Variants in CACHD1 observed in about 807,000 individuals in gnomAD.
The protein encoded by CACHD1 is cache domain containing 1, also known as VWFA and cache domain-containing protein 1.
A neutral mutation model predicts 138.7 loss-of-function variants in CACHD1; 71 were observed. That is an observed-to-expected ratio of 0.51 (90% confidence interval 0.42 to 0.62). CACHD1 has a LOEUF of 0.62. Among genes scored for constraint, CACHD1 ranks in the 20% least tolerant of loss-of-function variants. The pLI is 0.00. For synonymous variants in CACHD1, 578 were observed against 591.5 expected (o/e 0.98, Z 0.33); for missense variants, 1,389 against 1,625.3 (o/e 0.85, Z 2.50).
chr1:64,614,010 A>G (rs1172140391), intron 4 of CACHD1, among the ~76,000 whole-genome samples: 2 of 152,204 alleles, frequency 1.3e-5, no homozygotes, highest in African/African-American at 2.4e-5. Flanking sequence ...GTTCCCTGTC[A>G]TATTCAGTAT....
intron 2 of CACHD1, among the ~76,000 whole-genome samples, chr1:64,559,753 T>A (rs1646825018): frequency 6.6e-6 from 1 of 152,224 alleles, no homozygotes; most frequent in African/African-American, 2.4e-5. Context: ...CAGTGTTTGA[T>A]AGAATTCAGG....
chr1:64,606,501 G>C (rs1647346016), intron 4 of CACHD1, among the ~76,000 whole-genome samples: 1 of 152,108 alleles, frequency 6.6e-6, no homozygotes, highest in African/African-American at 2.4e-5. Context: ...AGGTCACCAA[G>C]AGCCTTATTT....
At chr1:64,508,917 T>G (rs1409691781) in intron 1 of CACHD1, among the ~76,000 whole-genome samples, 5 of 152,158 alleles carry the variant, frequency 3.3e-5, no homozygotes. Context: ...TTCTTTGGTG[T>G]CTCCTGCCAT....
intron 1 of CACHD1, among the ~76,000 whole-genome samples, chr1:64,540,005 G>A (rs563165363): frequency 6.6e-6 from 1 of 152,082 alleles, no homozygotes; most frequent in Admixed American, 6.5e-5. Flanking sequence ...GTTTCTTAAG[G>A]GTATGGGACC....
At chr1:64,577,748 C>T (rs553754481) in intron 2 of CACHD1, among the ~76,000 whole-genome samples, 1 of 152,308 alleles carries the variant, frequency 6.6e-6, no homozygotes, top group East Asian at 1.9e-4. Flanking sequence ...TAGAATGTTG[C>T]TACATGAAAG....
At chr1:64,601,542 CCTT>C (rs1055254887) in intron 3 of CACHD1, among the ~76,000 whole-genome samples, 19 of 152,356 alleles carry the variant, frequency 1.2e-4, no homozygotes, top group Admixed American at 1.2e-3. Flanking sequence ...CCAGCTATCT[CCTT>C]CTTTGAGATG....
At chr1:64,585,620 C>T (rs947301413) in intron 3 of CACHD1, among the ~76,000 whole-genome samples, 2 of 152,188 alleles carry the variant, frequency 1.3e-5, no homozygotes, top group African/African-American at 4.8e-5. Flanking sequence ...AAAACCAAAG[C>T]AGTTCTGAAG....
chr1:64,665,744 C>T (rs1031826276), intron 15 of CACHD1, among the ~76,000 whole-genome samples: 11 of 152,132 alleles, frequency 7.2e-5, no homozygotes, highest in Middle Eastern at 3.4e-3. Flanking sequence ...TGGCCGGGTG[C>T]GGTGACTCAC....
intron 2 of CACHD1, among the ~76,000 whole-genome samples, chr1:64,551,861 A>T (rs1049908029): frequency 6.6e-6 from 1 of 151,996 alleles, no homozygotes; most frequent in African/African-American, 2.4e-5. Context: ...TGGCCTGAGT[A>T]TTTATTTATT....
chr1:64,531,375 A>G (rs1159703015), intron 1 of CACHD1, among the ~76,000 whole-genome samples: 1 of 152,138 alleles, frequency 6.6e-6, no homozygotes, highest in Non-Finnish European at 1.5e-5. Context: ...GCTTGAAGAG[A>G]TTGAGAAGGG....
At chr1:64,628,811 A>G in intron 4 of CACHD1, among the ~76,000 whole-genome samples, 1 of 152,344 alleles carries the variant, frequency 6.6e-6, no homozygotes, top group South Asian at 2.1e-4. Context: ...GGAAGCCTAT[A>G]TTCCAGCACT....
chr1:64,620,667 G>A (rs1303745226), intron 4 of CACHD1, among the ~76,000 whole-genome samples: 2 of 152,116 alleles, frequency 1.3e-5, no homozygotes, highest in African/African-American at 2.4e-5. Context: ...CCAAATCATG[G>A]AAGGTATGAG....
chr1:64,474,021 C>A (rs1459030426), intron 1 of CACHD1, among the ~76,000 whole-genome samples: 1 of 152,164 alleles, frequency 6.6e-6, no homozygotes, highest in African/African-American at 2.4e-5. Flanking sequence ...TTGGAAAATT[C>A]TCCAGTGGGG....
intron 1 of CACHD1, among the ~76,000 whole-genome samples, chr1:64,487,819 TG>T (rs1008305463): frequency 7.9e-5 from 12 of 152,236 alleles, no homozygotes; most frequent in Non-Finnish European, 1.3e-4. Context: ...TTTATGTATT[TG>T]AATATAATTT....
At chr1:64,594,519 T>C (rs1315276333) in intron 3 of CACHD1, among the ~76,000 whole-genome samples, 2 of 152,218 alleles carry the variant, frequency 1.3e-5, no homozygotes, top group Non-Finnish European at 2.9e-5. Flanking sequence ...TGCTTGTGTG[T>C]GTGCATTAGG....
intron 3 of CACHD1, among the ~76,000 whole-genome samples, chr1:64,601,834 C>A (rs1290494574): frequency 1.3e-5 from 2 of 152,164 alleles, no homozygotes; most frequent in Non-Finnish European, 2.9e-5. Context: ...TTTTTTAAAA[C>A]CTTATTTCAA....
intron 2 of CACHD1, among the ~76,000 whole-genome samples, chr1:64,552,541 C>T (rs944762885): frequency 1.3e-5 from 2 of 148,956 alleles, no homozygotes; most frequent in African/African-American, 5.0e-5. Flanking sequence ...GGGATCATAG[C>T]TCACTGCATC....
chr1:64,617,729 G>A (rs1165288254), intron 4 of CACHD1, among the ~76,000 whole-genome samples: 1 of 152,164 alleles, frequency 6.6e-6, no homozygotes, highest in Admixed American at 6.5e-5. Context: ...TCCCATTCAG[G>A]TCACAGGGTT....
chr1:64,516,520 G>C (rs12024533), intron 1 of CACHD1, among the ~76,000 whole-genome samples: 3 of 152,196 alleles, frequency 2.0e-5, no homozygotes, highest in African/African-American at 7.2e-5. Context: ...GATTCTGTCA[G>C]TGAGGCTGTC....
Sources: gnomAD v4.1 joint callset for allele counts (sites outside exome capture counted in the v4.1 genomes callset) on GRCh38, gnomAD v4.1.1 for gene constraint, MANE v1.5 for transcripts, NCBI Gene and HGNC (gene_info 2026-07-23, HGNC 2026-07-21) for gene names.